TENT2: variants seen among roughly 807,000 people sequenced by gnomAD.
TENT2 encodes terminal nucleotidyltransferase 2, also known as poly(A) RNA polymerase GLD2.
A neutral mutation model predicts 72.2 loss-of-function variants in TENT2; 44 were observed. That is an observed-to-expected ratio of 0.61 (90% CI 0.48 to 0.78). The LOEUF (loss-of-function observed/expected upper bound fraction) is 0.78, where lower values mean the gene tolerates loss of function less well. TENT2 is among the 30% of genes least tolerant of loss of function. The probability of loss-of-function intolerance (pLI) is 0.00; values close to 1 mark genes in which losing one functional copy is unlikely to be tolerated. For missense variants in TENT2, 541 were observed against 569.6 expected, an observed-to-expected ratio of 0.95 and a Z score of 0.51; for synonymous variants, 212 against 192.5, an observed-to-expected ratio of 1.10 and a Z score of -0.84.
At chr5:79,644,983 G>A (rs1787659134) in intron 7 of TENT2, 140 bp from the exon 8 acceptor site, 1 of 625,886 alleles carries the variant, frequency 1.6e-6, no homozygotes, top group South Asian at 2.7e-5. Context: ...ATTTGATAAT[G>A]TCCTCACTTG....
chr5:79,682,163 G>A (rs1002521637), intron 14 of TENT2, 102 bp downstream of exon 14: 6 of 716,006 alleles, frequency 8.4e-6, no homozygotes, highest in Non-Finnish European at 1.4e-5. Flanking sequence ...TCTCTTCTGT[G>A]AATCCATTAA....
chr5:79,670,923 C>T (rs1416868033), intron 12 of TENT2, among the ~76,000 whole-genome samples: 1 of 151,104 alleles, frequency 6.6e-6, no homozygotes, highest in Non-Finnish European at 1.5e-5. Flanking sequence ...TCAAGCTGGA[C>T]TCCAAAACTA....
chr5:79,645,066 G>T, intron 7 of TENT2, 57 bp from the exon 8 acceptor site: 2 of 1,401,074 alleles, frequency 1.4e-6, no homozygotes, highest in Non-Finnish European at 1.9e-6. Flanking sequence ...ATGTGCGTTG[G>T]AACACTGTGA....
At position 79,645,203 on chromosome 5, in the gene TENT2, A is replaced by G; in HGVS notation, c.821+11A>G. On this transcript the variant is annotated intron_variant, in intron 8 of 14. Transcript: ENST00000453514. ...CAGGGATAAAGTCAGGTAAATAATT[A>G]ATGAGCTTTCTTTTTTTAGTTCCTT... 6.3e-7 allele frequency: 1 copy of G among 1,596,526 alleles called. No individual in the cohort carries two copies. Among genetic ancestry groups the G allele is most frequent in the Non-Finnish European group, 8.5e-7 (1 of 1,172,440 alleles).
intron 14 of TENT2, among the ~76,000 whole-genome samples, chr5:79,682,284 C>T (rs1411942704): frequency 6.6e-6 from 1 of 151,966 alleles, no homozygotes; most frequent in Non-Finnish European, 1.5e-5. Context: ...TAAGCATTTT[C>T]TCTTTTCTTT....
intron 13 of TENT2, 72 bp from the exon 14 acceptor site, chr5:79,681,910 A>C: frequency 2.3e-6 from 3 of 1,291,444 alleles, no homozygotes. Flanking sequence ...TATTGACAGT[A>C]TCAAACCTAA....
At chr5:79,622,801 A>G (rs534882422) in intron 3 of TENT2, among the ~76,000 whole-genome samples, 2 of 152,288 alleles carry the variant, frequency 1.3e-5, no homozygotes, top group South Asian at 4.1e-4. Context: ...GCTTTATTGA[A>G]AAGTGTTTCT....
intron 11 of TENT2, among the ~76,000 whole-genome samples, chr5:79,663,318 A>T (rs1804546104): frequency 6.6e-6 from 1 of 152,186 alleles, no homozygotes; most frequent in South Asian, 2.1e-4. Flanking sequence ...TCCTTCAAGA[A>T]CTTTTCCTTT....
rs144002084 is a variant in TENT2, at chr5:79,653,456, G to A, written c.1028-3502G>A. Among the ~76,000 whole-genome samples, 9 of 152,292 alleles carry A rather than the reference G, an allele frequency of 5.9e-5. No homozygotes were observed. In the East Asian group the frequency reaches 1.5e-3, roughly 26 times the overall value. ...TGCAGTAAGCTATGATTATGCCACT[G>A]CATTTCAGCCTGACCAGCAGAGTGA... On this transcript the variant is annotated intron_variant, in intron 10 of 14. Coordinates refer to ENST00000453514, the MANE Select transcript of TENT2 (RefSeq NM_001114394.3).
intron 11 of TENT2, among the ~76,000 whole-genome samples, chr5:79,665,565 TGAAGA>T (rs1806870945): frequency 6.6e-6 from 1 of 152,192 alleles, no homozygotes; most frequent in Non-Finnish European, 1.5e-5. Context: ...TTTTTTAACT[TGAAGA>T]GAAATGAAAG....
chr5:79,660,539 TAAAG>T (rs1801988009), intron 11 of TENT2, among the ~76,000 whole-genome samples: 1 of 152,130 alleles, frequency 6.6e-6, no homozygotes, highest in South Asian at 2.1e-4. Context: ...AGTTATGAAA[TAAAG>T]AATTCTATAG....
intron 13 of TENT2, chr5:79,681,766 C>T (rs576376161): frequency 7.5e-6 from 3 of 398,898 alleles, no homozygotes; most frequent in Admixed American, 4.1e-5. Flanking sequence ...TTTTGATCAC[C>T]CTCTCCCTTG....
chr5:79,669,076 G>A (rs1810808446), intron 12 of TENT2, 48 bp downstream of exon 12: 5 of 1,581,346 alleles, frequency 3.2e-6, no homozygotes, highest in East Asian at 4.5e-5. Context: ...GTGTGTGTGT[G>A]TGTATGTATG....
intron 7 of TENT2, chr5:79,644,774 AT>A (rs1179105867): frequency 5.8e-6 from 1 of 172,268 alleles, no homozygotes; most frequent in East Asian, 1.5e-4. Context: ...TGTAATTATG[AT>A]TTCTACAGTT....
intron 1 of TENT2, among the ~76,000 whole-genome samples, chr5:79,615,675 T>C (rs1759147267): frequency 1.3e-5 from 2 of 151,964 alleles, no homozygotes; most frequent in Admixed American, 6.6e-5. Flanking sequence ...TCGTTGCCAG[T>C]CTTGAATCTG....
At chr5:79,679,008 C>T (rs925296119) in intron 12 of TENT2, among the ~76,000 whole-genome samples, 4 of 152,248 alleles carry the variant, frequency 2.6e-5, no homozygotes, top group Middle Eastern at 3.4e-3. Context: ...TGGGTTCAAG[C>T]GATTCCCCTG....
chr5:79,654,229 C>T (rs1381278861), intron 10 of TENT2, among the ~76,000 whole-genome samples: 3 of 151,980 alleles, frequency 2.0e-5, no homozygotes, highest in East Asian at 1.9e-4. Flanking sequence ...GTCAGGAATT[C>T]GAGACTAGCC....
At chr5:79,630,961 A>G (rs548753128) in intron 4 of TENT2, among the ~76,000 whole-genome samples, 10 of 152,134 alleles carry the variant, frequency 6.6e-5, no homozygotes, top group Non-Finnish European at 1.3e-4. Flanking sequence ...TGGTACTTGA[A>G]TTAGGAAATG....
chr5:79,644,962 A>C lies in TENT2; in HGVS notation c.752-161A>C, dbSNP rs140082068. 1.8e-3 allele frequency: 1,010 copies of C among 551,950 alleles called. 8 individuals carry two copies. The highest frequency in any genetic ancestry group is 0.018 in the African/African-American group (917 of 50,732). 34.2% of individuals were successfully genotyped at this position (551,950 alleles called of 1,614,324 possible). ...CTAAATGGTATTACTGGAGCCTCCAACCTTAGAAGAATTTGATAATGTCCT... is the reference window on the plus strand; with the variant it reads ...CTAAATGGTATTACTGGAGCCTCCACCCTTAGAAGAATTTGATAATGTCCT... On this transcript the variant is annotated intron_variant, in intron 7 of 14. Transcript: ENST00000453514.
Sources: allele counts gnomAD v4.1 joint callset (sites outside exome capture counted in the v4.1 genomes callset), GRCh38; gene constraint gnomAD v4.1.1; transcripts MANE v1.5; gene names NCBI Gene and HGNC (gene_info 2026-07-23, HGNC 2026-07-21).